The following TFAP2A variants were observed in gnomAD, a reference collection of about 807,000 sequenced individuals.
TFAP2A encodes the protein transcription factor AP-2-alpha.
In TFAP2A, 7 loss-of-function variants were observed where a neutral mutation model predicts 41.5. That is an observed-to-expected ratio of 0.17 (90% CI 0.10 to 0.32). The LOEUF (loss-of-function observed/expected upper bound fraction) is 0.32. Ranked by LOEUF, TFAP2A falls within the 10% of genes least tolerant of loss-of-function variation. The pLI is 1.00. For synonymous variants in TFAP2A, 247 were observed against 242.8 expected, an observed-to-expected ratio of 1.02 and a Z score of -0.16; for missense variants, 416 against 563.3, an observed-to-expected ratio of 0.74 and a Z score of 2.65.
chr6:10,414,558 T>A, intron 1 of TFAP2A: 1 of 402,848 alleles, frequency 2.5e-6, no homozygotes, highest in Non-Finnish European at 4.6e-6. Context: ...TTCTCTTTCC[T>A]TTCTGTTCCT....
Position 10,398,740 on chromosome 6 carries a change from G to C in TFAP2A, c.1032-35C>G. The C allele has an allele frequency of 6.2e-7, 1 of 1,611,642 alleles. No individual in the cohort carries two copies. On this transcript the variant is annotated intron_variant, in intron 6 of 6. Coordinates refer to ENST00000379613, the MANE Select transcript of TFAP2A (RefSeq NM_001372066.1). The surrounding 1 kb of genome is among the most constrained non-coding windows in gnomAD (Gnocchi z 5.3). ...AAGTGGAGCAGAGAGAGAGACATAA[G>C]GCTCCACTATGGGCAGCACTAGCAG...
intron 4 of TFAP2A, among the ~76,000 whole-genome samples, 200 bp downstream of exon 4, chr6:10,404,308 A>C (rs967527682): frequency 6.6e-6 from 1 of 152,212 alleles, no homozygotes; most frequent in Non-Finnish European, 1.5e-5. Context: ...CGGAGAGCGC[A>C]GGCGCGCGCC....
intron 1 of TFAP2A, chr6:10,411,419 A>C: frequency 7.6e-7 from 1 of 1,314,902 alleles, no homozygotes. Context: ...GAGCGAGAGA[A>C]AGGCGGAAGG....
At chr6:10,402,446 T>C in intron 5 of TFAP2A, 46 bp downstream of exon 5, 3 of 1,402,258 alleles carry the variant, frequency 2.1e-6, no homozygotes, top group Non-Finnish European at 3.0e-6. Flanking sequence ...TATTATCCAT[T>C]TTCCAAGAAG....
In TFAP2A at chr6:10,397,627, C is replaced by T. The variant is rs1275044076; in HGVS notation, c.*790G>A. 6.4e-6 allele frequency: 1 copy of T among 156,142 alleles called. No homozygotes were observed. The highest frequency in any genetic ancestry group is 1.4e-5 in the Non-Finnish European group (1 of 72,488). 9.7% of individuals were successfully genotyped at this position (156,142 alleles called of 1,614,324 possible). On this transcript the variant is annotated 3_prime_UTR_variant, in exon 7 of 7. Transcript: ENST00000379613. ...AGAACTAATAGGGAAGATTCAAAAC[C>T]CACTAAACAAGAGGTAAACAAGATC... is the stretch of plus-strand genomic sequence containing the variant.
chr6:10,397,088 T>C lies in TFAP2A; in HGVS notation c.*1329A>G, dbSNP rs1761791868. 1.3e-5 allele frequency: 2 copies of C among 152,378 alleles called. No individual in the cohort carries two copies. The highest frequency in any genetic ancestry group is 2.4e-5 in the African/African-American group (1 of 41,448). The allele number at this position is 152,378 out of a possible 1,614,324, so 9.4% of individuals were successfully genotyped here. A position where few individuals can be genotyped will look rare whatever the true frequency, so the allele number is the denominator to read the frequency against. ...TATTTATCTGGGCAACAAAGGACTATGATACATTGACAGGCATGGAAACTA... is the reference window on the plus strand; with the variant it reads ...TATTTATCTGGGCAACAAAGGACTACGATACATTGACAGGCATGGAAACTA... On this transcript the variant is annotated 3_prime_UTR_variant, in exon 7 of 7. Transcript: ENST00000379613.
At position 10,406,842 on chromosome 6, in the gene TFAP2A, A is replaced by G. The variant is rs758551492; in HGVS notation, c.489T>C (p.His163=). The change falls in exon 3 of 7, where the codon CAT becomes CAC. Residue 163 remains histidine, a splice_region_variant and synonymous_variant. Transcript: ENST00000379613. ...SLPHAIEEVP[H]VEDPGINIPD... is the part of the protein sequence containing the mutation. ...GGATGTTAATACCCGGGTCTTCTAC[A>G]TGCTGCAACAAAAGGATACACATGG... 3.1e-6 allele frequency: 5 copies of G among 1,612,270 alleles called. No homozygotes were observed. The highest frequency in any genetic ancestry group is 2.7e-5 in the African/African-American group (2 of 74,912).
chr6:10,407,014 C>A (rs958377221), intron 2 of TFAP2A, 170 bp from the exon 3 acceptor site: 4 of 659,744 alleles, frequency 6.1e-6, no homozygotes, highest in Admixed American at 2.2e-5. Flanking sequence ...TGGGGCTTTG[C>A]AACTCAAGAG....
At position 10,404,672 on chromosome 6, in the gene TFAP2A, G is replaced by A. The variant is rs746862188; in HGVS notation, c.606C>T (p.Leu202=). The A allele has an allele frequency of 2.5e-6, 4 of 1,614,100 alleles. No individual in the cohort carries two copies. The African/African-American group carries it at 5.3e-5, about 22-fold the overall frequency. ...CGTTGGGGTTCACCACGCCGCCGAA[G>A]AGGTTGTCCTTGTTAATAGGGATGG... ...VSAIPINKDN[L]FGGVVNPNEV... The change falls in exon 4 of 7, where the codon CTC becomes CTT. Residue 202 remains leucine (L), a synonymous_variant. Transcript: ENST00000379613.
chr6:10,414,382 G>A (rs557016813), intron 1 of TFAP2A, among the ~76,000 whole-genome samples: 1 of 152,292 alleles, frequency 6.6e-6, no homozygotes, highest in Admixed American at 6.5e-5. Context: ...GGAAGATGCA[G>A]CCCAGCTCAC....
intron 5 of TFAP2A, among the ~76,000 whole-genome samples, chr6:10,401,802 G>T (rs537749453): frequency 6.6e-6 from 1 of 152,200 alleles, no homozygotes; most frequent in African/African-American, 2.4e-5. Context: ...AGAGGCAGCA[G>T]GAATATGAGT....
rs1040063782 is a variant in TFAP2A, at chr6:10,397,987, G to A, written c.*430C>T. 1.9e-6 allele frequency: 2 copies of A among 1,055,874 alleles called. No homozygotes were observed. Among genetic ancestry groups the A allele is most frequent in the African/African-American group, 3.5e-5 (2 of 57,822 alleles). 65.4% of individuals were successfully genotyped at this position (1,055,874 alleles called of 1,614,324 possible). ...AGGGAAGGTGGTGACTCAGTCCCAT[G>A]AAGCGCATATAATTTTTTTTATTTT... is the stretch of plus-strand genomic sequence containing the variant. On this transcript the variant is annotated 3_prime_UTR_variant, in exon 7 of 7. Transcript: ENST00000379613.
intron 2 of TFAP2A, 27 bp downstream of exon 2, chr6:10,409,874 T>TC: frequency 6.5e-7 from 1 of 1,547,368 alleles, no homozygotes; most frequent in Non-Finnish European, 8.7e-7. Context: ...CTGTGTTCCC[T>TC]CCCGCGCTGG....
At chr6:10,412,275 A>G (rs1758008297) in intron 1 of TFAP2A, 2 of 987,132 alleles carry the variant, frequency 2.0e-6, no homozygotes, top group African/African-American at 3.5e-5. Flanking sequence ...AAGGGGCAAC[A>G]TTTTAAAAGG....
At chr6:10,413,238 T>G (rs1408010970) in intron 1 of TFAP2A, among the ~76,000 whole-genome samples, 1 of 152,232 alleles carries the variant, frequency 6.6e-6, no homozygotes, top group East Asian at 1.9e-4. Context: ...CGGCCAAAGT[T>G]GTGGAAACAG....
intron 1 of TFAP2A, chr6:10,414,657 G>C: frequency 3.5e-6 from 2 of 576,988 alleles, no homozygotes; most frequent in South Asian, 4.0e-5. Context: ...AAAAGCCCAT[G>C]TTCTTCTTTT....
chr6:10,404,384 T>G (rs1757584955), intron 4 of TFAP2A, 124 bp downstream of exon 4: 1 of 617,886 alleles, frequency 1.6e-6, no homozygotes, highest in Non-Finnish European at 2.4e-6. Flanking sequence ...CCCGCCCCCT[T>G]TCCTTTCCCG....
chr6:10,407,911 T>C (rs1056640352), intron 2 of TFAP2A: 1 of 152,236 alleles, frequency 6.6e-6, no homozygotes, highest in Non-Finnish European at 1.5e-5. Context: ...TAAGTATAAT[T>C]AAATTGAGAA....
upstream of TFAP2A, chr6:10,415,325 A>G (rs1164588611): frequency 3.9e-6 from 5 of 1,287,862 alleles, no homozygotes; most frequent in East Asian, 3.4e-5. Flanking sequence ...TAGCATATCA[A>G]CAATAGTCCA....
Sources: gnomAD v4.1 joint callset for allele counts (sites outside exome capture counted in the v4.1 genomes callset) on GRCh38, gnomAD v4.1.1 for gene constraint, Gnocchi (gnomAD v3.1) non-coding constraint, MANE v1.5 for transcripts, NCBI Gene and HGNC (gene_info 2026-07-23, HGNC 2026-07-21) for gene names.